The following ARHGEF10 variants were observed in gnomAD, a reference collection of about 807,000 sequenced individuals.
The protein encoded by ARHGEF10 is Rho guanine nucleotide exchange factor (GEF) 10.
In ARHGEF10, 140 loss-of-function variants were observed where a neutral mutation model predicts 147.4. The ratio of observed to expected loss-of-function variants is 0.95; its 90% CI spans 0.83 to 1.09. The LOEUF is 1.09. Ranked by LOEUF, ARHGEF10 falls within the 50% of genes least tolerant of loss-of-function variation. The pLI is 0.00. For synonymous variants in ARHGEF10, 902 were observed against 695.8 expected (o/e 1.30, Z -4.67); for missense variants, 2,222 against 1,752.7 (o/e 1.27, Z -4.78).
At chr8:1,859,639 T>G (rs1220444655) in intron 3 of ARHGEF10, among the ~76,000 whole-genome samples, 1 of 151,842 alleles carries the variant, frequency 6.6e-6, no homozygotes, top group African/African-American at 2.4e-5. Context: ...CTCCGGCAGC[T>G]TCTCCCTGAC....
At chr8:1,867,302 C>G (rs1325692454) in intron 6 of ARHGEF10, among the ~76,000 whole-genome samples, 1 of 152,160 alleles carries the variant, frequency 6.6e-6, no homozygotes, top group Non-Finnish European at 1.5e-5. Context: ...AGAACTATTA[C>G]TTAAAGGACA....
chr8:1,919,511 G>A (rs1179231578), intron 18 of ARHGEF10, among the ~76,000 whole-genome samples: 1 of 148,048 alleles, frequency 6.8e-6, no homozygotes, highest in Non-Finnish European at 1.5e-5. Flanking sequence ...GGGTGATGGA[G>A]CTATTCTGTG....
At chr8:1,860,261 G>C in intron 4 of ARHGEF10, 77 bp downstream of exon 4, 2 of 1,499,812 alleles carry the variant, frequency 1.3e-6, no homozygotes, top group Non-Finnish European at 1.8e-6. Context: ...GTGGCCTGTG[G>C]TTCCCTCCTC....
At chr8:1,912,808 T>C (rs2129189189) in intron 18 of ARHGEF10, among the ~76,000 whole-genome samples, 1 of 152,242 alleles carries the variant, frequency 6.6e-6, no homozygotes, top group African/African-American at 2.4e-5. Context: ...TTTTGAAAAA[T>C]GCTGTGTAGT....
At chr8:1,875,584 C>A (rs967443960) in intron 7 of ARHGEF10, among the ~76,000 whole-genome samples, 2 of 152,252 alleles carry the variant, frequency 1.3e-5, no homozygotes, top group African/African-American at 4.8e-5. Context: ...AAAGTGAGCT[C>A]ATTTCACGCA....
chr8:1,887,931 G>C (rs1200750736), intron 11 of ARHGEF10, among the ~76,000 whole-genome samples: 1 of 150,170 alleles, frequency 6.7e-6, no homozygotes, highest in Non-Finnish European at 1.5e-5. Flanking sequence ...GTCATCAGGA[G>C]ACAGTGATTG....
At chr8:1,914,717 T>C (rs1811627106) in intron 18 of ARHGEF10, among the ~76,000 whole-genome samples, 1 of 152,208 alleles carries the variant, frequency 6.6e-6, no homozygotes, top group South Asian at 2.1e-4. Flanking sequence ...AACGTTGTAC[T>C]GTAAAACAGC....
intron 27 of ARHGEF10, among the ~76,000 whole-genome samples, chr8:1,951,918 G>GCCACCGTGAGGTGGGGTCTTCCCTGTAA (rs1815082327): frequency 2.2e-5 from 3 of 135,404 alleles, no homozygotes; most frequent in Non-Finnish European, 5.0e-5. Flanking sequence ...CTTCCTTGTA[G>GCCACCGTGAGGTGGGGTCTTCCCTGTAA]CCACCGTGAG....
intron 11 of ARHGEF10, among the ~76,000 whole-genome samples, chr8:1,891,275 A>G (rs922762118): frequency 1.3e-5 from 2 of 152,202 alleles, no homozygotes; most frequent in African/African-American, 2.4e-5. Flanking sequence ...TGTGTTGTCC[A>G]TGAGAGTTTT....
chr8:1,909,253 C>G, intron 17 of ARHGEF10, 42 bp from the exon 18 acceptor site: 1 of 1,612,168 alleles, frequency 6.2e-7, no homozygotes, highest in South Asian at 1.1e-5. Context: ...ATAACGTGTT[C>G]ATGTAATTAT....
chr8:1,909,437 G>C lies in ARHGEF10; in HGVS notation c.2110G>C (p.Glu704Gln). The change falls in exon 18 of 29, where the codon GAG (glutamate) becomes CAG (glutamine). Residue 704 changes from glutamate (E) to glutamine (Q), a missense_variant. Glu to Gln is a conservative substitution (Grantham distance 29). Coordinates refer to ENST00000349830, the MANE Select transcript of ARHGEF10 (RefSeq NM_014629.4). ...HSRHLAVHPP[E>Q]SLAVVANAKP... The stretch of plus-strand genomic sequence containing the variant: ...CAGGCACCTTGCCGTTCACCCGCCG[G>C]AGAGCCTGGCCGTGGTTGCTAACGC... The C allele has an allele frequency of 1.9e-6, 3 of 1,614,146 alleles. No homozygotes were observed. Among genetic ancestry groups the C allele is most frequent in the Non-Finnish European group, 2.5e-6 (3 of 1,180,044 alleles).
chr8:1,843,369 C>T lies in ARHGEF10; in HGVS notation c.-31C>T. ...TTCTTGCAGGAGCTCCTTCCCTTAACAGAGCTGAGAGAGGCATCTGGAGCT... is the reference window on the plus strand; with the variant it reads ...TTCTTGCAGGAGCTCCTTCCCTTAATAGAGCTGAGAGAGGCATCTGGAGCT... On this transcript the variant is annotated 5_prime_UTR_variant, in exon 2 of 29. Transcript: ENST00000349830. The T allele has an allele frequency of 6.2e-7, 1 of 1,612,792 alleles. No homozygotes were observed. Among genetic ancestry groups the T allele is most frequent in the Non-Finnish European group, 8.5e-7 (1 of 1,179,940 alleles).
chr8:1,844,199 GT>G (rs1475537184), intron 2 of ARHGEF10, among the ~76,000 whole-genome samples: 1 of 152,180 alleles, frequency 6.6e-6, no homozygotes, highest in Non-Finnish European at 1.5e-5. Context: ...CCTTGGCACT[GT>G]GGGTGTGGGT....
chr8:1,914,492 C>T (rs1318314353), intron 18 of ARHGEF10, among the ~76,000 whole-genome samples: 1 of 152,262 alleles, frequency 6.6e-6, no homozygotes, highest in African/African-American at 2.4e-5. Context: ...GTGTCCTCTC[C>T]AGAGTAAGGT....
At position 1,909,389 on chromosome 8, in the gene ARHGEF10, A is replaced by G. The variant is rs1811177283; in HGVS notation, c.2062A>G (p.Ser688Gly). 1 of 1,614,058 alleles carries G rather than the reference A, an allele frequency of 6.2e-7. No homozygotes were observed. Among genetic ancestry groups the G allele is most frequent in the Admixed American group, 1.7e-5 (1 of 60,010 alleles). Residue 688 changes from serine (S) to glycine (G), a missense_variant, in exon 18 of 29, where the codon AGC becomes GGC. Physicochemically the swap from Ser to Gly is moderately conservative, Grantham distance 56. Coordinates refer to ENST00000349830, the MANE Select transcript of ARHGEF10 (RefSeq NM_014629.4). ...TGTGGACGCCATCGAGTATGGCAGC[A>G]GCGCAGGCACGGGCGAGCACAGCAG... ...GHVDAIEYGS[S>G]AGTGEHSRHL... is the part of the protein sequence containing the mutation.
At chr8:1,900,661 C>G (rs1406143985) in intron 15 of ARHGEF10, among the ~76,000 whole-genome samples, 1 of 152,172 alleles carries the variant, frequency 6.6e-6, no homozygotes, top group Non-Finnish European at 1.5e-5. Flanking sequence ...TTTTTGAAAA[C>G]ATACTTCTAA....
chr8:1,834,181 C>A (rs1343391705), intron 1 of ARHGEF10, among the ~76,000 whole-genome samples: 1 of 152,246 alleles, frequency 6.6e-6, no homozygotes, highest in Non-Finnish European at 1.5e-5. Flanking sequence ...GTCCCCTCCC[C>A]AGCATGTGGC....
At chr8:1,827,292 T>C (rs753341500) in intron 1 of ARHGEF10, among the ~76,000 whole-genome samples, 7 of 152,224 alleles carry the variant, frequency 4.6e-5, no homozygotes, top group Non-Finnish European at 1.0e-4. Context: ...TGTGAGTAGT[T>C]TTCCAAATTT....
chr8:1,829,517 G>A (rs1802963856), intron 1 of ARHGEF10, among the ~76,000 whole-genome samples: 1 of 152,228 alleles, frequency 6.6e-6, no homozygotes, highest in South Asian at 2.1e-4. Context: ...TGACTCAGCA[G>A]GCCCGTGGGA....
Sources: allele counts gnomAD v4.1 joint callset (sites outside exome capture counted in the v4.1 genomes callset), GRCh38; gene constraint gnomAD v4.1.1; transcripts MANE v1.5; gene names NCBI Gene and HGNC (gene_info 2026-07-23, HGNC 2026-07-21).